CELF2: variants seen among roughly 807,000 people sequenced by gnomAD.
The protein encoded by CELF2 is CUG triplet repeat RNA-binding protein 2.
Under a neutral mutation model 62.6 loss-of-function variants are expected in CELF2, and 8 were observed. The ratio of observed to expected loss-of-function variants is 0.13; its 90% CI spans 0.07 to 0.23. The LOEUF is 0.23. Among genes scored for constraint, CELF2 ranks in the 10% least tolerant of loss-of-function variants. CELF2 has a pLI of 1.00. For synonymous variants in CELF2, 258 were observed against 250.0 expected (o/e 1.03, Z -0.30); for missense variants, 333 against 671.0 (o/e 0.50, Z 5.56).
the CELF2 span, among the ~76,000 whole-genome samples, chr10:10,552,822 G>A: frequency 2.6e-5 from 4 of 152,134 alleles, no homozygotes; most frequent in South Asian, 2.1e-4. Context: ...ACAAAACACC[G>A]CAGATGAGGT....
chr10:11,336,012 T>C lies in CELF2; in HGVS notation c.*6959T>C, dbSNP rs567722569. On this transcript the variant is annotated 3_prime_UTR_variant, in exon 13 of 13. Coordinates refer to ENST00000633077, the MANE Select transcript of CELF2 (RefSeq NM_001326342.2). This position sits in a 1 kb window ranked among gnomAD's most constrained non-coding sequence, Gnocchi z 5.4. ...TTGAGTCGGTATGACACCACTGCAG[T>C]GTGAGCAAGGTGAATCCGTGTGCCA... 5 of 152,426 alleles carry C rather than the reference T, an allele frequency of 3.3e-5. No individual in the cohort carries two copies. The South Asian group carries it at 8.3e-4, about 25-fold the overall frequency. 9.4% of individuals were successfully genotyped at this position (152,426 alleles called of 1,614,324 possible).
intron 1 of CELF2, among the ~76,000 whole-genome samples, chr10:11,138,247 G>GCTGCTGCTA (rs1438581198): frequency 6.6e-6 from 1 of 152,172 alleles, no homozygotes; most frequent in Non-Finnish European, 1.5e-5. Context: ...ATTTCTTGGA[G>GCTGCTGCTA]ATGTTTACAT....
chr10:10,917,913 T>C (rs1270674069), intron 1 of CELF2: 2 of 152,216 alleles, frequency 1.3e-5, no homozygotes, highest in African/African-American at 2.4e-5. Flanking sequence ...AACTTCGTTT[T>C]AAAAGATCCC....
At chr10:10,613,252 A>G in the CELF2 span, among the ~76,000 whole-genome samples, 1 of 152,140 alleles carries the variant, frequency 6.6e-6, no homozygotes, top group East Asian at 1.9e-4. Flanking sequence ...CATGTGGGGG[A>G]TCGGAATATT....
intron 2 of CELF2, chr10:10,925,066 G>A (rs975758845): frequency 2.6e-5 from 4 of 152,140 alleles, no homozygotes; most frequent in African/African-American, 2.4e-5. Context: ...AGGCAGAAAC[G>A]GTGGAAGCAA....
the CELF2 span, among the ~76,000 whole-genome samples, chr10:10,527,929 G>T: frequency 1.3e-5 from 2 of 152,148 alleles, no homozygotes; most frequent in Non-Finnish European, 2.9e-5. Context: ...TTTACACAGA[G>T]CTTTTTCATT....
chr10:10,523,898 C>T, the CELF2 span, among the ~76,000 whole-genome samples: 4 of 152,240 alleles, frequency 2.6e-5, no homozygotes, highest in South Asian at 8.3e-4. Context: ...CTCAAAACAA[C>T]GAGAGCATCT....
the CELF2 span, among the ~76,000 whole-genome samples, chr10:10,764,473 C>G: frequency 6.6e-5 from 10 of 152,304 alleles, no homozygotes; most frequent in Non-Finnish European, 1.3e-4. Flanking sequence ...CAGACCTAAT[C>G]AGACAACAGA....
chr10:11,047,337 T>G (rs1391358735), intron 1 of CELF2, among the ~76,000 whole-genome samples: 3 of 152,164 alleles, frequency 2.0e-5, no homozygotes, highest in Non-Finnish European at 4.4e-5. Flanking sequence ...TAGGAGGGTG[T>G]TCTGTGGATG....
At chr10:11,282,026 C>T (rs533102660) in intron 8 of CELF2, among the ~76,000 whole-genome samples, 11 of 152,214 alleles carry the variant, frequency 7.2e-5, no homozygotes, top group African/African-American at 1.2e-4. Flanking sequence ...TGTGGTGGGG[C>T]GAGCAAGGCC....
At chr10:11,281,608 C>G (rs1173770993) in intron 8 of CELF2, among the ~76,000 whole-genome samples, 1 of 152,154 alleles carries the variant, frequency 6.6e-6, no homozygotes, top group East Asian at 1.9e-4. Context: ...CAAAAGTTAG[C>G]TGGGTGTGGT....
chr10:10,506,269 C>CATGTGT, the CELF2 span, among the ~76,000 whole-genome samples: 1 of 146,814 alleles, frequency 6.8e-6, no homozygotes, highest in East Asian at 2.0e-4. Flanking sequence ...AGATGCACTT[C>CATGTGT]GTGTGTGTGT....
chr10:10,565,036 G>A, the CELF2 span, among the ~76,000 whole-genome samples: 10 of 152,194 alleles, frequency 6.6e-5, no homozygotes, highest in African/African-American at 1.2e-4. Context: ...TTGTACAGCC[G>A]AATGTGTCAG....
Position 11,010,374 on chromosome 10 carries a change from G to A in CELF2, c.53+4934G>A, listed in dbSNP as rs927113298. On this transcript the variant is annotated intron_variant, in intron 1 of 12. Transcript: ENST00000416382. The surrounding 1 kb of genome is among the most constrained non-coding windows in gnomAD (Gnocchi z 4.1). ...ATCAGTGGAAACCTCAGTGCTAAAA[G>A]AACAATCGAATCAGTACTGGCCTTC... is the stretch of plus-strand genomic sequence containing the variant. Among the ~76,000 whole-genome samples the A allele has an allele frequency of 4.2e-4, 64 of 152,154 alleles. No individual in the cohort carries two copies. Among genetic ancestry groups the A allele is most frequent in the African/African-American group, 1.5e-3 (61 of 41,438 alleles).
chr10:10,578,092 G>A, the CELF2 span, among the ~76,000 whole-genome samples: 1 of 152,130 alleles, frequency 6.6e-6, no homozygotes, highest in Admixed American at 6.6e-5. Flanking sequence ...GTTTTGATTT[G>A]CATTTCTCTG....
chr10:10,915,412 G>A (rs574005843), intron 1 of CELF2, among the ~76,000 whole-genome samples: 1 of 152,082 alleles, frequency 6.6e-6, no homozygotes, highest in East Asian at 1.9e-4. Context: ...AGCCTTTTTT[G>A]TGGTTGTTTT....
At chr10:10,489,386 T>C in the CELF2 span, among the ~76,000 whole-genome samples, 3 of 152,150 alleles carry the variant, frequency 2.0e-5, no homozygotes, top group South Asian at 2.1e-4. Context: ...TCATCACTGA[T>C]AATTTTAAAA....
intron 7 of CELF2, among the ~76,000 whole-genome samples, chr10:11,271,274 A>G (rs2138640984): frequency 6.6e-6 from 1 of 152,344 alleles, no homozygotes; most frequent in East Asian, 1.9e-4. Flanking sequence ...CATCTATTTG[A>G]AACCAACAAA....
At chr10:10,553,323 G>T in the CELF2 span, among the ~76,000 whole-genome samples, 1 of 152,072 alleles carries the variant, frequency 6.6e-6, no homozygotes, top group Non-Finnish European at 1.5e-5. Context: ...AATTACAGGG[G>T]CTACAATTCC....
Sources: allele counts gnomAD v4.1 joint callset (sites outside exome capture counted in the v4.1 genomes callset), GRCh38; gene constraint gnomAD v4.1.1; non-coding constraint Gnocchi (gnomAD v3.1); transcripts MANE v1.5; gene names NCBI Gene and HGNC (gene_info 2026-07-23, HGNC 2026-07-21).